Variants in MMS22L observed in about 807,000 individuals in gnomAD.
MMS22L encodes protein MMS22-like.
Under a neutral mutation model 159.1 loss-of-function variants are expected in MMS22L, and 74 were observed. The ratio of observed to expected loss-of-function variants is 0.47; its 90% CI spans 0.39 to 0.56. The LOEUF is 0.56. Ranked by LOEUF, MMS22L falls within the 20% of genes least tolerant of loss-of-function variation. The pLI is 0.00. For missense variants in MMS22L, 1,351 were observed against 1,422.1 expected (o/e 0.95, Z 0.80); for synonymous variants, 517 against 506.9 (o/e 1.02, Z -0.27).
chr6:97,165,472 A>C lies in MMS22L; in HGVS notation c.3010-15T>G. On this transcript the variant is annotated splice_polypyrimidine_tract_variant and intron_variant, in intron 20 of 24. Coordinates refer to ENST00000683635, the MANE Select transcript of MMS22L (RefSeq NM_001350599.2). ...ATACACATGCCCTACAAGGAAAAAAAGTAAGAAATACTAAGAGGTAAAGTT... is the reference window on the plus strand; with the variant it reads ...ATACACATGCCCTACAAGGAAAAAACGTAAGAAATACTAAGAGGTAAAGTT... 6.2e-7 allele frequency: 1 copy of C among 1,602,990 alleles called. No homozygotes were observed. Among genetic ancestry groups the C allele is most frequent in the Non-Finnish European group, 8.5e-7 (1 of 1,173,096 alleles).
At chr6:97,205,306 G>C (rs1807660559) in intron 14 of MMS22L, among the ~76,000 whole-genome samples, 1 of 151,846 alleles carries the variant, frequency 6.6e-6, no homozygotes, top group African/African-American at 2.4e-5. Flanking sequence ...CCCAGACTAA[G>C]TTGCTGTGCC....
chr6:97,228,737 T>C (rs920915862), intron 14 of MMS22L, among the ~76,000 whole-genome samples, 157 bp downstream of exon 14: 2 of 152,208 alleles, frequency 1.3e-5, no homozygotes, highest in African/African-American at 4.8e-5. Flanking sequence ...ATTCAACCTG[T>C]ACTGATTTAT....
chr6:97,251,425 C>T (rs772777254), intron 10 of MMS22L, among the ~76,000 whole-genome samples: 2 of 152,126 alleles, frequency 1.3e-5, no homozygotes, highest in Non-Finnish European at 2.9e-5. Flanking sequence ...ACATATTTTA[C>T]CCCTAATGAA....
At chr6:97,232,633 A>C (rs1810986085) in intron 12 of MMS22L, among the ~76,000 whole-genome samples, 1 of 151,970 alleles carries the variant, frequency 6.6e-6, no homozygotes, top group African/African-American at 2.4e-5. Flanking sequence ...TTAATTTGAT[A>C]CCTTTCCTGC....
intron 22 of MMS22L, among the ~76,000 whole-genome samples, chr6:97,155,452 C>A (rs1801735416): frequency 6.6e-6 from 1 of 152,120 alleles, no homozygotes; most frequent in African/African-American, 2.4e-5. Context: ...TCCTAATGCT[C>A]TCCCTCCCCC....
intron 14 of MMS22L, among the ~76,000 whole-genome samples, chr6:97,225,814 G>A (rs1323433817): frequency 4.6e-5 from 7 of 151,826 alleles, no homozygotes; most frequent in African/African-American, 9.7e-5. Flanking sequence ...CTCGTGATCC[G>A]CCCACCTCGG....
intron 18 of MMS22L, among the ~76,000 whole-genome samples, chr6:97,177,242 C>T (rs1387576689): frequency 2.0e-5 from 3 of 152,082 alleles, no homozygotes; most frequent in Non-Finnish European, 4.4e-5. Context: ...ACAATCTTCA[C>T]AGGATAAAAT....
intron 14 of MMS22L, among the ~76,000 whole-genome samples, chr6:97,205,208 G>A (rs990157017): frequency 6.6e-6 from 1 of 151,628 alleles, no homozygotes; most frequent in Non-Finnish European, 1.5e-5. Context: ...CTCCCAAAGT[G>A]CTGGGATTAC....
chr6:97,162,186 T>C (rs779401397), intron 21 of MMS22L, 21 bp from the exon 22 acceptor site: 21 of 1,581,878 alleles, frequency 1.3e-5, no homozygotes, highest in East Asian at 2.3e-5. Context: ...GCAAAATTTG[T>C]TTATTCTCTG....
At chr6:97,278,612 G>C (rs1172194461) in intron 4 of MMS22L, among the ~76,000 whole-genome samples, 1 of 152,114 alleles carries the variant, frequency 6.6e-6, no homozygotes, top group East Asian at 1.9e-4. Context: ...TCTCTTCAGA[G>C]AATTTTAGCT....
chr6:97,242,245 G>C lies in MMS22L; in HGVS notation c.1182+4383C>G, dbSNP rs373493003. Among the ~76,000 whole-genome samples, 181 of 152,164 alleles carry C rather than the reference G, an allele frequency of 1.2e-3. 1 individual carries two copies. Among genetic ancestry groups the C allele is most frequent in the African/African-American group, 4.1e-3 (172 of 41,518 alleles). ...TGTTGCCATCTATCTCATTTCTTAG[G>C]TCTAGTAATTATTTTATAAATTTGG... is the stretch of plus-strand genomic sequence containing the variant. On this transcript the variant is annotated intron_variant, in intron 11 of 24. Transcript: ENST00000683635.
At chr6:97,191,308 G>A (rs2128286808) in intron 14 of MMS22L, among the ~76,000 whole-genome samples, 1 of 152,198 alleles carries the variant, frequency 6.6e-6, no homozygotes, top group East Asian at 1.9e-4. Flanking sequence ...CTGGACCACT[G>A]CTTATAGTTT....
intron 21 of MMS22L, among the ~76,000 whole-genome samples, chr6:97,164,669 T>A (rs1280055686): frequency 6.6e-6 from 1 of 152,072 alleles, no homozygotes; most frequent in Non-Finnish European, 1.5e-5. Flanking sequence ...CAGGCTATAG[T>A]ACAGTGGCAC....
intron 6 of MMS22L, chr6:97,270,261 A>C: frequency 1.8e-6 from 1 of 564,430 alleles, no homozygotes; most frequent in Non-Finnish European, 3.4e-6. Flanking sequence ...GTACCTTCCA[A>C]CCAACCTCTG....
intron 14 of MMS22L, 52 bp from the exon 15 acceptor site, chr6:97,186,742 T>C: frequency 7.6e-7 from 1 of 1,320,240 alleles, no homozygotes; most frequent in Non-Finnish European, 1.0e-6. Context: ...CTTACAAAAA[T>C]CTTCTTAAAG....
intron 10 of MMS22L, among the ~76,000 whole-genome samples, chr6:97,249,047 C>CA (rs76475208): frequency 0.99 from 150,223 of 152,158 alleles, 74,183 homozygotes; most frequent in East Asian, 1. Context: ...TGGTCACACC[C>CA]AAAGAGCAAC....
At chr6:97,204,152 T>C (rs899061880) in intron 14 of MMS22L, among the ~76,000 whole-genome samples, 1 of 152,178 alleles carries the variant, frequency 6.6e-6, no homozygotes, top group African/African-American at 2.4e-5. Flanking sequence ...TTGGCATGTA[T>C]TTGTATTTTT....
chr6:97,199,890 G>T (rs1210405042), intron 14 of MMS22L, among the ~76,000 whole-genome samples: 5 of 152,028 alleles, frequency 3.3e-5, no homozygotes, highest in Admixed American at 3.3e-4. Context: ...CAAACTCCTT[G>T]AAATTATGTG....
chr6:97,231,244 C>T, intron 13 of MMS22L, 182 bp downstream of exon 13: 1 of 561,362 alleles, frequency 1.8e-6, no homozygotes, highest in Non-Finnish European at 3.2e-6. Context: ...AAACTATTAC[C>T]TACCAACGTA....
Sources: gnomAD v4.1 joint callset for allele counts (sites outside exome capture counted in the v4.1 genomes callset) on GRCh38, gnomAD v4.1.1 for gene constraint, MANE v1.5 for transcripts, NCBI Gene and HGNC (gene_info 2026-07-23, HGNC 2026-07-21) for gene names.